RERE: variants seen among roughly 807,000 people sequenced by gnomAD.
RERE encodes the protein arginine-glutamic acid dipeptide repeats.
A neutral mutation model predicts 146.1 loss-of-function variants in RERE; 40 were observed. The ratio of observed to expected loss-of-function variants is 0.27; its 90% CI spans 0.21 to 0.36. The LOEUF (loss-of-function observed/expected upper bound fraction) is 0.36. Among genes scored for constraint, RERE ranks in the 10% least tolerant of loss-of-function variants. The probability of loss-of-function intolerance (pLI) is 1.00; values close to 1 mark genes in which losing one functional copy is unlikely to be tolerated. For synonymous variants in RERE, 1,003 were observed against 866.0 expected (o/e 1.16, Z -2.78); for missense variants, 1,933 against 2,138.7 (o/e 0.90, Z 1.90).
chr1:8,716,358 C>T (rs1223622937), intron 1 of RERE, among the ~76,000 whole-genome samples: 1 of 151,486 alleles, frequency 6.6e-6, no homozygotes, highest in African/African-American at 2.4e-5. Context: ...CACCTGTGGT[C>T]CCAGCTATTT....
chr1:8,464,389 G>GA (rs1028225044), intron 11 of RERE, among the ~76,000 whole-genome samples: 4 of 151,760 alleles, frequency 2.6e-5, no homozygotes, highest in Non-Finnish European at 5.9e-5. Flanking sequence ...TTCTTATCAC[G>GA]ACCACTGCTG....
intron 11 of RERE, among the ~76,000 whole-genome samples, chr1:8,436,929 C>A (rs1644177656): frequency 6.6e-6 from 1 of 152,182 alleles, no homozygotes; most frequent in African/African-American, 2.4e-5. Flanking sequence ...TTGGAAAGCA[C>A]AGGTCTAGAA....
chr1:8,709,723 A>G (rs1266275051), intron 1 of RERE, among the ~76,000 whole-genome samples: 3 of 152,166 alleles, frequency 2.0e-5, no homozygotes, highest in South Asian at 4.1e-4. Flanking sequence ...TTATTATATA[A>G]CAAGCCCCTT....
intron 4 of RERE, among the ~76,000 whole-genome samples, chr1:8,587,642 G>C (rs1008325902): frequency 6.6e-6 from 1 of 152,110 alleles, no homozygotes; most frequent in South Asian, 2.1e-4. Context: ...GCTAAAACAC[G>C]ATCTTGGCTC....
At chr1:8,368,615 C>G (rs1032113119) in intron 12 of RERE, among the ~76,000 whole-genome samples, 6 of 152,186 alleles carry the variant, frequency 3.9e-5, no homozygotes, top group African/African-American at 1.4e-4. Flanking sequence ...CAAGTCTTAC[C>G]TGAAGGCTGT....
chr1:8,493,425 A>T (rs1645003847), intron 10 of RERE, among the ~76,000 whole-genome samples: 2 of 152,260 alleles, frequency 1.3e-5, no homozygotes. Context: ...TCTTATTTAC[A>T]GAATGGCATA....
At chr1:8,564,190 C>T (rs1646112059) in intron 4 of RERE, among the ~76,000 whole-genome samples, 1 of 152,166 alleles carries the variant, frequency 6.6e-6, no homozygotes, top group Non-Finnish European at 1.5e-5. Context: ...TCAAAGATCA[C>T]TATTCTTCAA....
chr1:8,693,399 A>G (rs1639251258), intron 1 of RERE, among the ~76,000 whole-genome samples: 1 of 152,232 alleles, frequency 6.6e-6, no homozygotes. Context: ...ACATGATGGA[A>G]TATTATCAGT....
chr1:8,686,534 G>A (rs1037187950), intron 1 of RERE, among the ~76,000 whole-genome samples: 3 of 152,148 alleles, frequency 2.0e-5, no homozygotes, highest in African/African-American at 7.2e-5. Context: ...TGGATCACCT[G>A]AGGTCAGGAG....
At chr1:8,601,344 A>C (rs1038023668) in intron 4 of RERE, among the ~76,000 whole-genome samples, 1 of 151,992 alleles carries the variant, frequency 6.6e-6, no homozygotes, top group Non-Finnish European at 1.5e-5. Context: ...ATTCAAGTAC[A>C]AATCAAACTA....
At position 8,498,719 on chromosome 1, in the gene RERE, A is replaced by T. The variant is rs1295786096; in HGVS notation, c.880-1190T>A. Among the ~76,000 whole-genome samples the T allele has an allele frequency of 9.9e-5, 13 of 131,396 alleles. No individual in the cohort carries two copies. In the South Asian group the frequency reaches 1.5e-3, roughly 15 times the overall value. 86.2% of individuals were successfully genotyped at this position (131,396 alleles called of 152,430 possible). On this transcript the variant is annotated intron_variant, in intron 8 of 22. Transcript: ENST00000400908. The stretch of plus-strand genomic sequence containing the variant: ...TCAAAAAAAAAAAAAATAAAAAAAA[A>T]AAAATAAATATATACACACACACAC...
chr1:8,613,777 T>C (rs976621645), intron 4 of RERE, among the ~76,000 whole-genome samples: 6 of 152,082 alleles, frequency 3.9e-5, no homozygotes, highest in Admixed American at 3.3e-4. Flanking sequence ...CCACTAGTCA[T>C]TCAGAATAAT....
chr1:8,701,394 C>T (rs558519115), intron 1 of RERE, among the ~76,000 whole-genome samples: 56 of 151,782 alleles, frequency 3.7e-4, no homozygotes, highest in African/African-American at 1.2e-3. Context: ...GTAACATATC[C>T]TATACGCTAT....
chr1:8,355,132 A>C lies in RERE; in HGVS notation c.4668-12T>G. On this transcript the variant is annotated splice_polypyrimidine_tract_variant and intron_variant, in intron 22 of 22. Coordinates refer to ENST00000400908, the MANE Select transcript of RERE (RefSeq NM_001042681.2). Reference sequence around the variant, plus strand: ...CTTTCTTCAGTCGACTGGAAAGACAAAACAGGAAAGCGTATTTAGTCTCAG... The same window carrying C: ...CTTTCTTCAGTCGACTGGAAAGACACAACAGGAAAGCGTATTTAGTCTCAG... 6.2e-7 allele frequency: 1 copy of C among 1,613,868 alleles called. No homozygotes were observed. Among genetic ancestry groups the C allele is most frequent in the Non-Finnish European group, 8.5e-7 (1 of 1,179,846 alleles).
At chr1:8,566,090 T>C (rs904026829) in intron 4 of RERE, among the ~76,000 whole-genome samples, 1 of 152,222 alleles carries the variant, frequency 6.6e-6, no homozygotes, top group Non-Finnish European at 1.5e-5. Context: ...ATTGATAAAG[T>C]ATCCACTCTT....
chr1:8,471,864 T>C (rs1644690740), intron 10 of RERE, among the ~76,000 whole-genome samples: 1 of 151,970 alleles, frequency 6.6e-6, no homozygotes, highest in African/African-American at 2.4e-5. Flanking sequence ...CAGGCTGGAG[T>C]GCAATGGCAT....
intron 2 of RERE, among the ~76,000 whole-genome samples, chr1:8,655,030 T>C (rs1482996639): frequency 1.3e-5 from 2 of 152,148 alleles, no homozygotes; most frequent in East Asian, 1.9e-4. Context: ...CATCTAAAAG[T>C]TGAGTCTGTC....
rs1570410599 is a variant in RERE, at chr1:8,539,697, C to T, written c.830+1517G>A. On this transcript the variant is annotated intron_variant, in intron 7 of 22. Transcript: ENST00000400908. ...GGATTACAGGCGTGACCCACCTACA[C>T]CTGGCCAAGCATCACAGTTTTCTAA... Among the ~76,000 whole-genome samples the T allele has an allele frequency of 3.9e-5, 6 of 152,320 alleles. No homozygotes were observed. The South Asian group carries it at 1.2e-3, about 32-fold the overall frequency.
intron 7 of RERE, chr1:8,525,671 G>A: frequency 1.5e-6 from 2 of 1,336,488 alleles, no homozygotes; most frequent in Non-Finnish European, 2.0e-6. Flanking sequence ...CACTATGAAT[G>A]ATGAAATGAT....
Sources: allele counts gnomAD v4.1 joint callset (sites outside exome capture counted in the v4.1 genomes callset), GRCh38; gene constraint gnomAD v4.1.1; transcripts MANE v1.5; gene names NCBI Gene and HGNC (gene_info 2026-07-23, HGNC 2026-07-21).